The following USP45 variants were observed in gnomAD, a reference collection of about 807,000 sequenced individuals.
The protein encoded by USP45 is ubiquitin carboxyl-terminal hydrolase 45.
USP45 carries 89 observed loss-of-function variants against 95.8 expected under a neutral mutation model. The ratio of observed to expected loss-of-function variants is 0.93; its 90% CI spans 0.78 to 1.11. The LOEUF is 1.11. Ranked by LOEUF, USP45 falls within the 50% of genes least tolerant of loss-of-function variation. The pLI is 0.00. For synonymous variants in USP45, 281 were observed against 316.2 expected (o/e 0.89, Z 1.18); for missense variants, 898 against 942.5 (o/e 0.95, Z 0.62).
chr6:99,510,488 T>A (rs1445798685), intron 1 of USP45, among the ~76,000 whole-genome samples: 2 of 152,182 alleles, frequency 1.3e-5, no homozygotes, highest in Non-Finnish European at 2.9e-5. Flanking sequence ...AATTGATATG[T>A]TGAACTCTAA....
intron 15 of USP45, among the ~76,000 whole-genome samples, chr6:99,441,392 T>C (rs4240578): frequency 0.96 from 145,997 of 152,092 alleles, 70,359 homozygotes; most frequent in South Asian, 1. Flanking sequence ...ATTAGCCAGG[T>C]GTGGTGGTGG....
intron 8 of USP45, among the ~76,000 whole-genome samples, chr6:99,480,611 C>T (rs950502647): frequency 7.2e-5 from 11 of 151,808 alleles, no homozygotes; most frequent in Non-Finnish European, 1.5e-4. Flanking sequence ...CTGTGGTAAG[C>T]CAAAATCATA....
At chr6:99,505,182 G>A (rs569282614) in intron 4 of USP45, among the ~76,000 whole-genome samples, 1 of 152,336 alleles carries the variant, frequency 6.6e-6, no homozygotes, top group South Asian at 2.1e-4. Flanking sequence ...TTTGGAGGCA[G>A]AGGGTTAGGA....
chr6:99,508,461 A>G, intron 3 of USP45, 149 bp downstream of exon 3: 1 of 789,596 alleles, frequency 1.3e-6, no homozygotes. Context: ...TTACCTTAAC[A>G]ATCATTTTTA....
chr6:99,503,687 G>T, intron 5 of USP45, 78 bp downstream of exon 5: 2 of 992,184 alleles, frequency 2.0e-6, no homozygotes, highest in Non-Finnish European at 2.9e-6. Flanking sequence ...AAAATCTAAA[G>T]TATTCTTTAT....
At chr6:99,488,629 C>T (rs1794519828) in intron 6 of USP45, 52 bp downstream of exon 6, 11 of 1,552,724 alleles carry the variant, frequency 7.1e-6, no homozygotes, top group Non-Finnish European at 8.7e-6. Flanking sequence ...CCAATGACTA[C>T]ATAAATTAAG....
intron 13 of USP45, among the ~76,000 whole-genome samples, chr6:99,454,178 T>G (rs1784510509): frequency 6.6e-6 from 1 of 152,130 alleles, no homozygotes; most frequent in Non-Finnish European, 1.5e-5. Context: ...CCAACTGATT[T>G]CTGACAAAGG....
At chr6:99,509,220 T>A (rs896756789) in intron 2 of USP45, among the ~76,000 whole-genome samples, 1 of 152,184 alleles carries the variant, frequency 6.6e-6, no homozygotes, top group African/African-American at 2.4e-5. Flanking sequence ...AGAGTTTAAA[T>A]TTTTGAACTA....
At chr6:99,440,315 A>C (rs1268406392) in intron 15 of USP45, among the ~76,000 whole-genome samples, 1 of 152,224 alleles carries the variant, frequency 6.6e-6, no homozygotes, top group African/African-American at 2.4e-5. Context: ...TAAAACAAAC[A>C]ACCTGAACAC....
At chr6:99,439,899 A>C (rs557980078) in intron 15 of USP45, 44 bp from the exon 16 acceptor site, 2 of 1,495,382 alleles carry the variant, frequency 1.3e-6, no homozygotes. Flanking sequence ...AATTAGAAAT[A>C]AAGCATTGTC....
chr6:99,432,750 AAATT>A lies in USP45; in HGVS notation c.*2962_*2965del, dbSNP rs1193557179. On this transcript the variant is annotated 3_prime_UTR_variant, in exon 18 of 18. Coordinates refer to ENST00000500704, the MANE Select transcript of USP45 (RefSeq NM_001346022.3). ...ATTTGATCAATACATGCAGAAAAATAAATTACAAACGTGAATTTTTAAAAGGAAT... is the reference window on the plus strand; with the variant it reads ...ATTTGATCAATACATGCAGAAAAATAACAAACGTGAATTTTTAAAAGGAAT... The A allele has an allele frequency of 6.6e-6, 1 of 152,586 alleles. No homozygotes were observed. Among genetic ancestry groups the A allele is most frequent in the Non-Finnish European group, 1.5e-5 (1 of 67,978 alleles). 9.5% of individuals were successfully genotyped at this position (152,586 alleles called of 1,614,324 possible).
At chr6:99,508,225 T>C (rs939682042) in intron 3 of USP45, among the ~76,000 whole-genome samples, 1 of 152,170 alleles carries the variant, frequency 6.6e-6, no homozygotes, top group Non-Finnish European at 1.5e-5. Flanking sequence ...ATTACAGATA[T>C]CAATAACTTT....
chr6:99,465,189 C>G (rs1418259003), intron 11 of USP45, 53 bp from the exon 12 acceptor site: 2 of 1,461,704 alleles, frequency 1.4e-6, no homozygotes, highest in Non-Finnish European at 1.9e-6. Context: ...TATAAACATA[C>G]AGTTTTGTAA....
At chr6:99,472,701 C>T (rs922635682) in intron 9 of USP45, among the ~76,000 whole-genome samples, 1 of 152,140 alleles carries the variant, frequency 6.6e-6, no homozygotes, top group Admixed American at 6.6e-5. Context: ...TCCCACCGTG[C>T]CAACATGCAT....
intron 5 of USP45, among the ~76,000 whole-genome samples, chr6:99,491,964 T>C (rs990322417): frequency 1.3e-5 from 2 of 152,192 alleles, no homozygotes; most frequent in Non-Finnish European, 2.9e-5. Context: ...AAAATACATA[T>C]ATACACAGAC....
chr6:99,498,289 T>C (rs1329294472), intron 5 of USP45, among the ~76,000 whole-genome samples: 1 of 152,228 alleles, frequency 6.6e-6, no homozygotes, highest in East Asian at 1.9e-4. Context: ...AAAGCTTATC[T>C]ATCTACTTCC....
intron 4 of USP45, among the ~76,000 whole-genome samples, chr6:99,505,539 A>T (rs1225478158): frequency 6.7e-6 from 1 of 148,706 alleles, no homozygotes; most frequent in Non-Finnish European, 1.5e-5. Flanking sequence ...GGTGGCGGGC[A>T]CCTGTAATTC....
chr6:99,466,842 T>G (rs1788104574), intron 10 of USP45, 79 bp from the exon 11 acceptor site: 2 of 963,560 alleles, frequency 2.1e-6, no homozygotes, highest in Non-Finnish European at 3.3e-6. Flanking sequence ...TTCTGGTTAT[T>G]CAAAAGTAAT....
chr6:99,506,740 A>G (rs991727198), intron 4 of USP45, among the ~76,000 whole-genome samples: 3 of 152,196 alleles, frequency 2.0e-5, no homozygotes, highest in Admixed American at 1.3e-4. Context: ...ATGACCTGAA[A>G]AGTTTTTACA....
Sources: allele counts gnomAD v4.1 joint callset (sites outside exome capture counted in the v4.1 genomes callset), GRCh38; gene constraint gnomAD v4.1.1; transcripts MANE v1.5; gene names NCBI Gene and HGNC (gene_info 2026-07-23, HGNC 2026-07-21).